MYOM1: variants seen among roughly 807,000 people sequenced by gnomAD.
MYOM1 encodes myomesin 1, also known as myomesin-1.
MYOM1 carries 164 observed loss-of-function variants against 205.3 expected under a neutral mutation model. That is an observed-to-expected ratio of 0.80 (90% CI 0.70 to 0.91). The LOEUF (loss-of-function observed/expected upper bound fraction) is 0.91. Among genes scored for constraint, MYOM1 ranks in the 40% least tolerant of loss-of-function variants. The pLI is 0.00. For synonymous variants in MYOM1, 772 were observed against 789.4 expected, an observed-to-expected ratio of 0.98 and a Z score of 0.37; for missense variants, 2,011 against 2,127.3, an observed-to-expected ratio of 0.95 and a Z score of 1.08.
intron 28 of MYOM1, 95 bp from the exon 29 acceptor site, chr18:3,089,336 T>C: frequency 9.8e-7 from 1 of 1,017,218 alleles, no homozygotes; most frequent in South Asian, 1.7e-5. Flanking sequence ...ACATCTGAAG[T>C]CAGATTTTTA....
chr18:3,171,493 T>C (rs2080556603), intron 8 of MYOM1, among the ~76,000 whole-genome samples: 1 of 152,156 alleles, frequency 6.6e-6, no homozygotes, highest in South Asian at 2.1e-4. Context: ...TGCGATAACT[T>C]TGGGGTTCAG....
At chr18:3,138,328 G>A (rs200080771) in intron 14 of MYOM1, among the ~76,000 whole-genome samples, 1 of 91,296 alleles carries the variant, frequency 1.1e-5, no homozygotes, top group Non-Finnish European at 2.6e-5. Flanking sequence ...GGGACTTTAA[G>A]TTTATCAGTC....
Sources: allele counts gnomAD v4.1 joint callset (sites outside exome capture counted in the v4.1 genomes callset), GRCh38; gene constraint gnomAD v4.1.1; transcripts MANE v1.5; gene names NCBI Gene and HGNC (gene_info 2026-07-23, HGNC 2026-07-21).